LAMA2: variants seen among roughly 807,000 people sequenced by gnomAD.
LAMA2 encodes laminin subunit alpha 2, also known as laminin subunit alpha-2.
Under a neutral mutation model 364.8 loss-of-function variants are expected in LAMA2, and 269 were observed. The ratio of observed to expected loss-of-function variants is 0.74; its 90% CI spans 0.67 to 0.82. LAMA2 has a LOEUF of 0.82. Ranked by LOEUF, LAMA2 falls within the 40% of genes least tolerant of loss-of-function variation. The pLI, the probability that LAMA2 is intolerant of heterozygous loss-of-function variation, is 0.00. For synonymous variants in LAMA2, 1,379 were observed against 1,370.6 expected (o/e 1.01, Z -0.14); for missense variants, 3,807 against 3,873.2 (o/e 0.98, Z 0.45).
rs146675441 is a variant in LAMA2 at position 128,931,454 on chromosome 6, T to C, written c.112+48097T>C. 7.1e-3 allele frequency among the ~76,000 whole-genome samples: 1,086 copies of C among 152,330 alleles called. 13 individuals carry two copies. Among genetic ancestry groups the C allele is most frequent in the African/African-American group, 0.025 (1,023 of 41,560 alleles). On this transcript the variant is annotated intron_variant, in intron 1 of 64. Transcript: ENST00000421865. ...ATGAATGAACGAATGAAATTAAGGT[T>C]GCATTTTATTTTAAAACTACCGTTT...
intron 52 of LAMA2, 113 bp downstream of exon 52, chr6:129,473,465 A>C (rs1783915759): frequency 2.0e-6 from 2 of 1,010,440 alleles, no homozygotes; most frequent in Non-Finnish European, 3.0e-6. Context: ...CCTTGGTTGC[A>C]GAAAGGCCTA....
At chr6:129,233,835 CT>C (rs994188680) in intron 12 of LAMA2, among the ~76,000 whole-genome samples, 7 of 152,104 alleles carry the variant, frequency 4.6e-5, no homozygotes, top group Non-Finnish European at 8.8e-5. Context: ...GGTATTTGTC[CT>C]TTTTTTCCTT....
At chr6:129,247,878 G>T (rs950624446) in intron 12 of LAMA2, among the ~76,000 whole-genome samples, 1 of 152,100 alleles carries the variant, frequency 6.6e-6, no homozygotes, top group African/African-American at 2.4e-5. Flanking sequence ...TATTATCGCT[G>T]ACCTGCATGA....
chr6:129,145,676 A>T (rs1778390394), intron 5 of LAMA2, among the ~76,000 whole-genome samples: 1 of 151,968 alleles, frequency 6.6e-6, no homozygotes, highest in Admixed American at 6.6e-5. Flanking sequence ...TTTATCGTAC[A>T]TGAGTCTTTA....
intron 1 of LAMA2, among the ~76,000 whole-genome samples, chr6:129,028,088 G>A (rs548893637): frequency 2.6e-5 from 4 of 151,690 alleles, no homozygotes; most frequent in Admixed American, 6.6e-5. Context: ...TACAGGTGGC[G>A]AAAAATGTGA....
chr6:129,338,558 C>T (rs1776082506), intron 29 of LAMA2, among the ~76,000 whole-genome samples: 2 of 152,084 alleles, frequency 1.3e-5, no homozygotes, highest in African/African-American at 4.8e-5. Flanking sequence ...TCATTTTGCC[C>T]TGCTAACCAC....
At chr6:128,911,335 C>G (rs945024690) in intron 1 of LAMA2, among the ~76,000 whole-genome samples, 25 of 152,312 alleles carry the variant, frequency 1.6e-4, no homozygotes, top group South Asian at 1.4e-3. Flanking sequence ...GATATAATCT[C>G]GTGGTTCGCC....
Position 129,315,844 on chromosome 6 carries a change from A to T in LAMA2, c.3818A>T (p.Gln1273Leu). 6.2e-7 allele frequency: 1 copy of T among 1,613,940 alleles called. No homozygotes were observed. The highest frequency in any genetic ancestry group is 2.2e-5 in the East Asian group (1 of 44,878). The change falls in exon 26 of 65, where the codon CAA becomes CTA. Residue 1273 changes from glutamine to leucine, a missense_variant. Physicochemically the swap from Gln to Leu is moderately radical, Grantham distance 113. This residue lies in a region of LAMA2 where 3,333 missense variants were observed against 3,345.7 expected (regional missense o/e 1.00). Transcript: ENST00000421865. ...EETGFSTYNP[Q>L]VIIRGGTPTH... Reference sequence around the variant, plus strand: ...ACAGGTTTCTCTACATATAATCCTCAAGTGATCATTCGAGGTGGGACACCT... The same window carrying T: ...ACAGGTTTCTCTACATATAATCCTCTAGTGATCATTCGAGGTGGGACACCT...
intron 8 of LAMA2, chr6:129,158,904 T>C: frequency 2.5e-6 from 4 of 1,607,840 alleles, no homozygotes. Flanking sequence ...CATGTGTTAT[T>C]AATAGCATCA....
Position 129,200,317 on chromosome 6 carries a change from CGTGTACACATATACATATACACGTATAT to C in LAMA2, c.1782+7489_1782+7516del, listed in dbSNP as rs1182270956. ...ACATATACATGTGTGTATATATATA[CGTGTACACATATACATATACACGTATAT>C]GTGTACACATATACATATACACGTG... On this transcript the variant is annotated intron_variant, in intron 12 of 64. Coordinates refer to ENST00000421865, the MANE Select transcript of LAMA2 (RefSeq NM_000426.4). 4.7e-4 allele frequency among the ~76,000 whole-genome samples: 62 copies of C among 132,780 alleles called. 5 individuals carry two copies. The highest frequency in any genetic ancestry group is 1.5e-3 in the East Asian group (7 of 4,628). 87.1% of individuals were successfully genotyped at this position (132,780 alleles called of 152,430 possible).
At chr6:129,157,683 C>G in intron 8 of LAMA2, 2 of 1,612,120 alleles carry the variant, frequency 1.2e-6, no homozygotes, top group Non-Finnish European at 1.7e-6. Context: ...CACAATTGGC[C>G]GCAAACGTTT....
At chr6:129,320,994 G>A (rs1250974993) in intron 28 of LAMA2, among the ~76,000 whole-genome samples, 2 of 152,126 alleles carry the variant, frequency 1.3e-5, no homozygotes, top group Non-Finnish European at 2.9e-5. Context: ...TAGGAGATAG[G>A]ATTATACTGG....
chr6:129,079,113 T>C (rs962803843), intron 3 of LAMA2, among the ~76,000 whole-genome samples: 3 of 152,182 alleles, frequency 2.0e-5, no homozygotes, highest in African/African-American at 7.2e-5. Context: ...TTGTTCTTAA[T>C]GCTATGAACA....
chr6:129,210,575 G>T (rs1583259123), intron 12 of LAMA2, among the ~76,000 whole-genome samples: 1 of 150,306 alleles, frequency 6.7e-6, no homozygotes, highest in East Asian at 1.9e-4. Context: ...ATTGAAGATA[G>T]CTTCAGATTC....
At chr6:129,371,084 A>C (rs896574685) in intron 34 of LAMA2, among the ~76,000 whole-genome samples, 6 of 152,260 alleles carry the variant, frequency 3.9e-5, no homozygotes, top group Admixed American at 2.0e-4. Context: ...ATTTAATATG[A>C]AATAATTCAT....
At chr6:129,098,535 T>C (rs1775323139) in intron 4 of LAMA2, 120 bp downstream of exon 4, 1 of 1,176,006 alleles carries the variant, frequency 8.5e-7, no homozygotes, top group African/African-American at 1.5e-5. Flanking sequence ...TTAGCAAAAG[T>C]ACATTTAAAT....
At position 129,507,758 on chromosome 6, in the gene LAMA2, C is replaced by T. The variant is rs1367808238; in HGVS notation, c.8857+116C>T. On this transcript the variant is annotated intron_variant, in intron 62 of 64. Coordinates refer to ENST00000421865, the MANE Select transcript of LAMA2 (RefSeq NM_000426.4). ...CCTAAACTAGTATCCTTTATTTAAGCCAAAAAGAAACTTATGGAAGTAATT... is the reference window on the plus strand; with the variant it reads ...CCTAAACTAGTATCCTTTATTTAAGTCAAAAAGAAACTTATGGAAGTAATT... 10 of 1,049,584 alleles carry T rather than the reference C, an allele frequency of 9.5e-6. No individual in the cohort carries two copies. In the South Asian group the frequency reaches 1.2e-4, roughly 13 times the overall value. The allele number at this position is 1,049,584 out of a possible 1,614,324, so 65.0% of individuals were successfully genotyped here.
chr6:129,446,275 G>C (rs1183688820), intron 45 of LAMA2, among the ~76,000 whole-genome samples: 1 of 151,234 alleles, frequency 6.6e-6, no homozygotes, highest in African/African-American at 2.4e-5. Context: ...ATATTCTTTT[G>C]TCTGGTATAA....
At chr6:129,039,870 C>G (rs924494541) in intron 1 of LAMA2, among the ~76,000 whole-genome samples, 8 of 152,212 alleles carry the variant, frequency 5.3e-5, no homozygotes, top group Non-Finnish European at 8.8e-5. Flanking sequence ...CAGCCACTCA[C>G]TTCCTGCTGT....
Sources: allele counts gnomAD v4.1 joint callset (sites outside exome capture counted in the v4.1 genomes callset), GRCh38; gene constraint gnomAD v4.1.1; regional missense constraint gnomAD v4.1.1; transcripts MANE v1.5; gene names NCBI Gene and HGNC (gene_info 2026-07-23, HGNC 2026-07-21).